LPIN2: variants seen among roughly 807,000 people sequenced by gnomAD.
The protein encoded by LPIN2 is lipin 2, also known as phosphatidate phosphatase LPIN2.
LPIN2 carries 55 observed loss-of-function variants against 111.4 expected under a neutral mutation model. The ratio of observed to expected loss-of-function variants is 0.49; its 90% CI spans 0.40 to 0.62. LPIN2 has a LOEUF of 0.62. Ranked by LOEUF, LPIN2 falls within the 20% of genes least tolerant of loss-of-function variation. The probability of loss-of-function intolerance (pLI) is 0.00; values close to 1 mark genes in which losing one functional copy is unlikely to be tolerated. For synonymous variants in LPIN2, 425 were observed against 414.0 expected (o/e 1.03, Z -0.32); for missense variants, 992 against 1,112.1 (o/e 0.89, Z 1.54).
Position 2,968,221 on chromosome 18 carries a change from GTA to G in LPIN2, c.-9-7374_-9-7373del, listed in dbSNP as rs1457292087. Among the ~76,000 whole-genome samples, 3 of 152,272 alleles carry G rather than the reference GTA, an allele frequency of 2.0e-5. No individual in the cohort carries two copies. The East Asian group carries it at 5.8e-4, about 29-fold the overall frequency. The stretch of plus-strand genomic sequence containing the variant: ...CCAGCAAACTTCCTGAATACACCGA[GTA>G]TCCAGACAGCTTTTTCATCACAATG... On this transcript the variant is annotated intron_variant, in intron 1 of 19. Coordinates refer to ENST00000677752, the MANE Select transcript of LPIN2 (RefSeq NM_001375808.2).
intron 8 of LPIN2, among the ~76,000 whole-genome samples, 192 bp downstream of exon 8, chr18:2,934,159 A>T (rs1443881230): frequency 6.6e-6 from 1 of 152,198 alleles, no homozygotes; most frequent in Non-Finnish European, 1.5e-5. Context: ...CTTCGTAAGT[A>T]ATTATTAATT....
intron 11 of LPIN2, among the ~76,000 whole-genome samples, chr18:2,928,115 G>T (rs2077162297): frequency 6.6e-6 from 1 of 152,052 alleles, no homozygotes; most frequent in South Asian, 2.1e-4. Context: ...TGAGTTAAGA[G>T]GACCAACTAG....
At chr18:3,006,808 G>A (rs1189031929) in intron 1 of LPIN2, among the ~76,000 whole-genome samples, 1 of 151,516 alleles carries the variant, frequency 6.6e-6, no homozygotes, top group Admixed American at 6.6e-5. Context: ...CTGCACTCCA[G>A]CCTGGGCGAC....
rs941401458 is a variant in LPIN2 at position 2,925,294 on chromosome 18, G to T, written c.1868C>A (p.Pro623His). The change falls in exon 14 of 20, where the codon CCC becomes CAC. Residue 623 changes from proline to histidine, a missense_variant. Pro to His is a moderately conservative substitution (Grantham distance 77, BLOSUM62 -2). Around this residue, in one of 4 missense-constraint regions of LPIN2, gnomAD observed 709 missense variants for 753.2 expected, o/e 0.94. Transcript: ENST00000677752. The surrounding 1 kb of genome is among the most constrained non-coding windows in gnomAD (Gnocchi z 4.1). ...GCTGCCGTGGCTCAGGGGCTCTGTG[G>T]GGATGGGGTCCACTGTGATGGATTC... The part of the protein sequence containing the change: ...LEESITVDPI[P>H]TEPLSHGSTT... The T allele has an allele frequency of 3.1e-6, 5 of 1,614,044 alleles. No homozygotes were observed. In the Admixed American group the frequency reaches 8.3e-5, roughly 27 times the overall value.
chr18:2,994,192 T>C (rs1241193167), intron 1 of LPIN2, among the ~76,000 whole-genome samples: 2 of 152,258 alleles, frequency 1.3e-5, no homozygotes, highest in East Asian at 1.9e-4. Context: ...TCCTGGGTCC[T>C]GCACTTTAGA....
At position 2,990,923 on chromosome 18, in the gene LPIN2, G is replaced by A. The variant is rs183313027; in HGVS notation, c.-10+22164C>T. ...CTGGTATGATGCCAGCACCCCACAC[G>A]GGGCCCTCCTCCTGGGATGATGCCA... is the stretch of plus-strand genomic sequence containing the variant. On this transcript the variant is annotated intron_variant, in intron 1 of 19. Transcript: ENST00000677752. 72 of 552,344 alleles carry A rather than the reference G, an allele frequency of 1.3e-4. 1 individual carries two copies. The highest frequency in any genetic ancestry group is 1.0e-3 in the Admixed American group (54 of 52,214). The allele number at this position is 552,344 out of a possible 1,614,324, so 34.2% of individuals were successfully genotyped here.
chr18:3,008,887 T>G (rs527479678), intron 1 of LPIN2, among the ~76,000 whole-genome samples: 1 of 151,154 alleles, frequency 6.6e-6, no homozygotes, highest in South Asian at 2.1e-4. Context: ...GTGTTTTTTT[T>G]TTTTTTTTTT....
intron 1 of LPIN2, among the ~76,000 whole-genome samples, chr18:2,978,327 A>C (rs1294601601): frequency 6.6e-6 from 1 of 152,240 alleles, no homozygotes; most frequent in Non-Finnish European, 1.5e-5. Context: ...GAAACCTGGA[A>C]GACACCACCA....
Position 2,954,617 on chromosome 18 carries a change from T to C in LPIN2, c.193-18A>G. The C allele has an allele frequency of 6.6e-7, 1 of 1,516,020 alleles. No homozygotes were observed. The highest frequency in any genetic ancestry group is 9.2e-7 in the Non-Finnish European group (1 of 1,090,492). The allele number at this position is 1,516,020 out of a possible 1,614,324, so 93.9% of individuals were successfully genotyped here. On this transcript the variant is annotated intron_variant, in intron 2 of 19. Coordinates refer to ENST00000677752, the MANE Select transcript of LPIN2 (RefSeq NM_001375808.2). ...ATATCAATCTATGGGAGAAACAAAGTATGACTTAATGTTCAAGGAGTCTTT... is the reference window on the plus strand; with the variant it reads ...ATATCAATCTATGGGAGAAACAAAGCATGACTTAATGTTCAAGGAGTCTTT...
At chr18:3,010,484 C>T (rs1002678380) in intron 1 of LPIN2, among the ~76,000 whole-genome samples, 6 of 151,896 alleles carry the variant, frequency 4.0e-5, no homozygotes, top group African/African-American at 7.3e-5. Context: ...AGTATAAAAA[C>T]TTACCAAGCA....
chr18:2,972,322 G>T (rs2077932762), intron 1 of LPIN2: 1 of 152,296 alleles, frequency 6.6e-6, no homozygotes, highest in South Asian at 2.1e-4. Flanking sequence ...GCAGCAACTC[G>T]CGGCAGAGAC....
chr18:3,009,287 T>C (rs2078564936), intron 1 of LPIN2, among the ~76,000 whole-genome samples: 1 of 151,406 alleles, frequency 6.6e-6, no homozygotes, highest in South Asian at 2.1e-4. Context: ...TAGTCCCAGC[T>C]ACTCAGGAGG....
intron 1 of LPIN2, among the ~76,000 whole-genome samples, chr18:2,970,482 G>A (rs2077889907): frequency 6.6e-6 from 1 of 152,250 alleles, no homozygotes; most frequent in African/African-American, 2.4e-5. Context: ...TGACACCCCA[G>A]GTGGCCCTGG....
intron 4 of LPIN2, chr18:2,946,127 C>G: frequency 1.9e-6 from 3 of 1,593,944 alleles, no homozygotes; most frequent in Non-Finnish European, 2.6e-6. Flanking sequence ...TTCTTCATTC[C>G]CTGATGACAG....
intron 1 of LPIN2, among the ~76,000 whole-genome samples, chr18:2,978,309 A>G (rs1015361061): frequency 3.3e-5 from 5 of 152,244 alleles, no homozygotes; most frequent in Non-Finnish European, 7.3e-5. Flanking sequence ...TTTTAACTCT[A>G]TAGTAGAGAA....
At chr18:2,939,117 CACCACTGCTCTCCAGCATGGGTG>C (rs2077333209) in intron 6 of LPIN2, among the ~76,000 whole-genome samples, 2 of 152,196 alleles carry the variant, frequency 1.3e-5, no homozygotes, top group Non-Finnish European at 2.9e-5. Context: ...GTTGTGGCTG[CACCACTGCTCTCCAGCATGGGTG>C]ACAGAGCAAG....
intron 9 of LPIN2, among the ~76,000 whole-genome samples, chr18:2,929,757 T>C (rs1388347874): frequency 1.3e-5 from 2 of 151,830 alleles, no homozygotes; most frequent in Non-Finnish European, 2.9e-5. Context: ...AATACAAAAA[T>C]AAGGCGGGTA....
Position 3,003,097 on chromosome 18 carries a change from T to C in LPIN2, c.-10+9990A>G, listed in dbSNP as rs117013690. ...CAAGTAGGTATTGTTATCTCCCTAT[T>C]ACAAAAGAGACAACTGAGTAAATGA... On this transcript the variant is annotated intron_variant, in intron 1 of 19. Transcript: ENST00000677752. Among the ~76,000 whole-genome samples the C allele has an allele frequency of 2.0e-5, 3 of 152,338 alleles. No individual in the cohort carries two copies. In the East Asian group the frequency reaches 5.8e-4, roughly 29 times the overall value.
chr18:2,956,858 A>C (rs1291181851), intron 2 of LPIN2, among the ~76,000 whole-genome samples: 1 of 152,238 alleles, frequency 6.6e-6, no homozygotes, highest in Non-Finnish European at 1.5e-5. Context: ...TCTTTCCAAA[A>C]ATTAAACCTA....
Sources: gnomAD v4.1 joint callset for allele counts (sites outside exome capture counted in the v4.1 genomes callset) on GRCh38, gnomAD v4.1.1 for gene constraint, gnomAD v4.1.1 regional missense constraint, Gnocchi (gnomAD v3.1) non-coding constraint, MANE v1.5 for transcripts, NCBI Gene and HGNC (gene_info 2026-07-23, HGNC 2026-07-21) for gene names.